The following HIBCH variants were observed in gnomAD, a reference collection of about 807,000 sequenced individuals.
The protein encoded by HIBCH is 3-hydroxyisobutyryl-CoA hydrolase.
Under a neutral mutation model 58.2 loss-of-function variants are expected in HIBCH, and 50 were observed. The observed-to-expected ratio is 0.86, with a 90% CI of 0.68 to 1.09. The LOEUF is 1.09. Among genes scored for constraint, HIBCH ranks in the 50% least tolerant of loss-of-function variants. The pLI, the probability that HIBCH is intolerant of heterozygous loss-of-function variation, is 0.00. For synonymous variants in HIBCH, 151 were observed against 146.9 expected, an observed-to-expected ratio of 1.03 and a Z score of -0.20; for missense variants, 450 against 449.7, an observed-to-expected ratio of 1.00 and a Z score of -0.01.
intron 9 of HIBCH, among the ~76,000 whole-genome samples, 172 bp downstream of exon 9, chr2:190,249,468 T>G (rs946421798): frequency 6.6e-6 from 1 of 152,222 alleles, no homozygotes; most frequent in South Asian, 2.1e-4. Context: ...TCTTATTAGC[T>G]GGCTATACTA....
At chr2:190,198,951 C>T (rs1277550582), downstream of HIBCH, among the ~76,000 whole-genome samples, 1 of 152,144 alleles carries the variant, frequency 6.6e-6, no homozygotes, top group Non-Finnish European at 1.5e-5. Flanking sequence ...GGAGGAAAAA[C>T]CTTTAACCTT....
At chr2:190,291,865 G>A (rs1687966202) in intron 4 of HIBCH, among the ~76,000 whole-genome samples, 1 of 152,122 alleles carries the variant, frequency 6.6e-6, no homozygotes, top group African/African-American at 2.4e-5. Flanking sequence ...AGTCCTATGA[G>A]ATTTATCTAT....
intron 7 of HIBCH, among the ~76,000 whole-genome samples, chr2:190,258,660 G>C (rs1470091310): frequency 6.6e-6 from 1 of 152,198 alleles, no homozygotes; most frequent in Non-Finnish European, 1.5e-5. Flanking sequence ...TTTGTTGCCT[G>C]AGCTTTTGGC....
chr2:190,205,026 G>A lies in HIBCH; in HGVS notation c.*91C>T. The A allele has an allele frequency of 1.4e-6, 1 of 727,388 alleles. No individual in the cohort carries two copies. The highest frequency in any genetic ancestry group is 2.5e-6 in the Non-Finnish European group (1 of 394,724). The allele number at this position is 727,388 out of a possible 1,614,324, so 45.1% of individuals were successfully genotyped here. A position where few individuals can be genotyped will look rare whatever the true frequency, so the allele number is the denominator to read the frequency against. ...TGCGGAAACCATTCTTAGCTTACAG[G>A]GTATATAAAAACAGGCAGCAGGCTG... On this transcript the variant is annotated 3_prime_UTR_variant, in exon 14 of 14. Coordinates refer to ENST00000359678, the MANE Select transcript of HIBCH (RefSeq NM_014362.4).
At chr2:190,242,396 T>C (rs1384386627) in intron 11 of HIBCH, among the ~76,000 whole-genome samples, 1 of 152,092 alleles carries the variant, frequency 6.6e-6, no homozygotes, top group Non-Finnish European at 1.5e-5. Flanking sequence ...AGTTTGTTAT[T>C]ACCCACCTTA....
intron 11 of HIBCH, among the ~76,000 whole-genome samples, chr2:190,234,674 AC>A (rs1340736391): frequency 1.3e-5 from 2 of 152,086 alleles, no homozygotes; most frequent in African/African-American, 2.4e-5. Flanking sequence ...ATATGGTGAA[AC>A]CCCATCTCTA....
chr2:190,306,751 T>C lies in HIBCH; in HGVS notation c.78+4003A>G, dbSNP rs530371007. Among the ~76,000 whole-genome samples the C allele has an allele frequency of 6.6e-6, 1 of 152,326 alleles. No individual in the cohort carries two copies. The highest frequency in any genetic ancestry group is 6.5e-5 in the Admixed American group (1 of 15,306). On this transcript the variant is annotated intron_variant, in intron 2 of 13. Transcript: ENST00000359678. This position sits in a 1 kb window ranked among gnomAD's most constrained non-coding sequence, Gnocchi z 4.6. Reference sequence around the variant, plus strand: ...TGAATGCTTGCATCCTTCCAAAATTTGTATGTTGAAATCCTAACCTCCAAG... The same window carrying C: ...TGAATGCTTGCATCCTTCCAAAATTCGTATGTTGAAATCCTAACCTCCAAG...
chr2:190,209,718 C>G lies in HIBCH; in HGVS notation c.1012-805G>C, dbSNP rs1246118365. 6.6e-6 allele frequency among the ~76,000 whole-genome samples: 1 copy of G among 152,166 alleles called. No individual in the cohort carries two copies. The highest frequency in any genetic ancestry group is 1.5e-5 in the Non-Finnish European group (1 of 68,034). On this transcript the variant is annotated intron_variant, in intron 12 of 13. Transcript: ENST00000359678. The surrounding 1 kb of genome is among the most constrained non-coding windows in gnomAD (Gnocchi z 5.6). ...CCTCCCTTGCATTCCAATTCACATC[C>G]CCTCTTGCCTTCTCAAGGATGGACT... is the stretch of plus-strand genomic sequence containing the variant.
In HIBCH at chr2:190,281,794, C is replaced by T. The variant is rs1461116871; in HGVS notation, c.438+5792G>A. 5.3e-5 allele frequency among the ~76,000 whole-genome samples: 8 copies of T among 152,158 alleles called. No individual in the cohort carries two copies. The highest frequency in any genetic ancestry group is 5.2e-4 in the Admixed American group (8 of 15,270). ...GCCATGCAGCAGCCTGAATGCTTTG[C>T]GGATTAGATAGATCTTCTTCCAGGC... On this transcript the variant is annotated intron_variant, in intron 6 of 13. Coordinates refer to ENST00000359678, the MANE Select transcript of HIBCH (RefSeq NM_014362.4). The surrounding 1 kb of genome is among the most constrained non-coding windows in gnomAD (Gnocchi z 5.4).
At chr2:190,228,401 T>C (rs1278872057) in intron 11 of HIBCH, among the ~76,000 whole-genome samples, 5 of 82,814 alleles carry the variant, frequency 6.0e-5, no homozygotes, top group Non-Finnish European at 1.2e-4. Flanking sequence ...GGGACTGTTG[T>C]GGGGTGGGGG....
At chr2:190,294,444 C>A in intron 4 of HIBCH, 102 bp downstream of exon 4, 1 of 819,496 alleles carries the variant, frequency 1.2e-6, no homozygotes, top group Non-Finnish European at 2.0e-6. Flanking sequence ...ATAAAAAGTT[C>A]TAAAAAGTAA....
At chr2:190,208,082 AGTCAAGCAC>A (rs1690434268) in intron 13 of HIBCH, among the ~76,000 whole-genome samples, 1 of 152,264 alleles carries the variant, frequency 6.6e-6, no homozygotes, top group Non-Finnish European at 1.5e-5. Context: ...TAGAAAAAAC[AGTCAAGCAC>A]GTCAAGCACT....
At chr2:190,283,570 A>T (rs748994314) in intron 6 of HIBCH, among the ~76,000 whole-genome samples, 2 of 152,214 alleles carry the variant, frequency 1.3e-5, no homozygotes, top group Non-Finnish European at 2.9e-5. Flanking sequence ...TGCGGCACTG[A>T]AACTTTATTT....
intron 1 of HIBCH, among the ~76,000 whole-genome samples, chr2:190,317,244 A>G (rs934975407): frequency 6.6e-6 from 1 of 152,122 alleles, no homozygotes; most frequent in African/African-American, 2.4e-5. Context: ...CCCTCTCCCT[A>G]TCTAAATCTG....
intron 11 of HIBCH, among the ~76,000 whole-genome samples, chr2:190,235,391 C>T (rs760680510): frequency 3.9e-5 from 6 of 152,162 alleles, no homozygotes; most frequent in Admixed American, 6.5e-5. Flanking sequence ...TTGTTGTTTA[C>T]TCATATAGCC....
chr2:190,296,729 T>C lies in HIBCH; in HGVS notation c.219+84A>G, dbSNP rs895377117. On this transcript the variant is annotated intron_variant, in intron 3 of 13. Transcript: ENST00000359678. ...ATGCATATCCCAGAGAATTATGTGA[T>C]TCTATGGGAGAAAATACCAGAAATG... The C allele has an allele frequency of 4.0e-6, 5 of 1,265,614 alleles. No homozygotes were observed. The African/African-American group carries it at 7.4e-5, about 19-fold the overall frequency. 78.4% of individuals were successfully genotyped at this position (1,265,614 alleles called of 1,614,324 possible).
chr2:190,232,772 C>G (rs1176415658), intron 11 of HIBCH, among the ~76,000 whole-genome samples: 1 of 152,094 alleles, frequency 6.6e-6, no homozygotes, highest in Non-Finnish European at 1.5e-5. Flanking sequence ...CCCTGGCTAA[C>G]ATGGTGAAAA....
At chr2:190,200,341 G>GTCTT (rs1690192217), downstream of HIBCH, 1 of 575,322 alleles carries the variant, frequency 1.7e-6, no homozygotes, top group Non-Finnish European at 3.1e-6. Context: ...TTTCTGTTTA[G>GTCTT]TCTTAGATTT....
At chr2:190,297,289 G>A (rs1416450722) in intron 2 of HIBCH, among the ~76,000 whole-genome samples, 1 of 152,172 alleles carries the variant, frequency 6.6e-6, no homozygotes, top group African/African-American at 2.4e-5. Context: ...TACTGAGAAA[G>A]CAAAGATGAA....
Sources: gnomAD v4.1 joint callset for allele counts (sites outside exome capture counted in the v4.1 genomes callset) on GRCh38, gnomAD v4.1.1 for gene constraint, Gnocchi (gnomAD v3.1) non-coding constraint, MANE v1.5 for transcripts, NCBI Gene and HGNC (gene_info 2026-07-23, HGNC 2026-07-21) for gene names.